FRMPD1: variants seen among roughly 807,000 people sequenced by gnomAD.
FRMPD1 encodes FERM and PDZ domain containing 1, also known as FERM and PDZ domain-containing protein 1.
FRMPD1 carries 76 observed loss-of-function variants against 117.8 expected under a neutral mutation model. The ratio of observed to expected loss-of-function variants is 0.65; its 90% CI spans 0.54 to 0.78. The LOEUF (loss-of-function observed/expected upper bound fraction) is 0.78. FRMPD1 is among the 30% of genes least tolerant of loss of function. The pLI is 0.00. For missense variants in FRMPD1, 1,786 were observed against 1,964.5 expected (o/e 0.91, Z 1.72); for synonymous variants, 783 against 770.4 (o/e 1.02, Z -0.27).
At chr9:37,649,515 A>T (rs559526870), upstream of FRMPD1, among the ~76,000 whole-genome samples, 7 of 152,180 alleles carry the variant, frequency 4.6e-5, no homozygotes, top group Non-Finnish European at 8.8e-5. Context: ...GCAATTACGT[A>T]GGAGGTCTTT....
chr9:37,663,722 G>C (rs1277972805), intron 1 of FRMPD1, among the ~76,000 whole-genome samples: 1 of 152,148 alleles, frequency 6.6e-6, no homozygotes, highest in East Asian at 1.9e-4. Flanking sequence ...GGACCCCACT[G>C]CAGATAAGAA....
intron 1 of FRMPD1, among the ~76,000 whole-genome samples, chr9:37,658,769 G>A (rs370126647): frequency 2.2e-4 from 34 of 152,298 alleles, no homozygotes; most frequent in African/African-American, 7.9e-4. Flanking sequence ...GGATAAGCAC[G>A]TCATCTAAAG....
the FRMPD1 span, among the ~76,000 whole-genome samples, chr9:37,645,876 T>C: frequency 6.6e-6 from 1 of 152,224 alleles, no homozygotes; most frequent in South Asian, 2.1e-4. Context: ...ACACTTTAGC[T>C]TCCTTAATCT....
In FRMPD1 at chr9:37,744,422, C is replaced by A. The variant is rs116119099; in HGVS notation, c.2390C>A (p.Ala797Asp). 1.1e-3 allele frequency: 1,705 copies of A among 1,611,118 alleles called. 12 individuals carry two copies. The African/African-American group carries it at 0.021, about 20-fold the overall frequency. The change falls in exon 16 of 16, where the codon GCC becomes GAC. Residue 797 changes from alanine to aspartate, a missense_variant. Physicochemically the swap from Ala to Asp is moderately radical, Grantham distance 126. Transcript: ENST00000377765. The stretch of plus-strand genomic sequence containing the variant: ...GATGTTTCTACTGCAGAACCCAGTG[C>A]CACAAGCTTGCAGAATAAGGCCAGC... ...PRDVSTAEPS[A>D]TSLQNKASTS... is the part of the protein sequence containing the mutation.
At chr9:37,687,932 T>C (rs1189146326) in intron 1 of FRMPD1, among the ~76,000 whole-genome samples, 1 of 152,146 alleles carries the variant, frequency 6.6e-6, no homozygotes, top group East Asian at 1.9e-4. Flanking sequence ...AAGTGCAGAC[T>C]ACTGAGTATA....
chr9:37,686,685 G>GT (rs1821959687), intron 1 of FRMPD1, among the ~76,000 whole-genome samples: 3 of 152,160 alleles, frequency 2.0e-5, no homozygotes, highest in African/African-American at 7.2e-5. Context: ...TTAGAACCAT[G>GT]TATGTTTATA....
chr9:37,685,143 T>G (rs1821876594), intron 1 of FRMPD1, among the ~76,000 whole-genome samples: 1 of 152,216 alleles, frequency 6.6e-6, no homozygotes, highest in African/African-American at 2.4e-5. Flanking sequence ...AGTCAATACC[T>G]GAATAATGTG....
chr9:37,639,600 C>A, the FRMPD1 span, among the ~76,000 whole-genome samples: 1 of 152,166 alleles, frequency 6.6e-6, no homozygotes, highest in African/African-American at 2.4e-5. Context: ...CTTCGTAACA[C>A]CTCTCAGTAA....
At chr9:37,608,253 A>G in the FRMPD1 span, among the ~76,000 whole-genome samples, 1 of 152,222 alleles carries the variant, frequency 6.6e-6, no homozygotes, top group South Asian at 2.1e-4. Context: ...CATACTGATT[A>G]TTTAAGAAAC....
Position 37,744,919 on chromosome 9 carries a change from A to T in FRMPD1, c.2887A>T (p.Ser963Cys). 2 of 1,614,188 alleles carry T rather than the reference A, an allele frequency of 1.2e-6. No homozygotes were observed. The highest frequency in any genetic ancestry group is 8.5e-7 in the Non-Finnish European group (1 of 1,180,024). ...GAATTCTGGTGTTGTCCCTGCTGCC[A>T]GCTCCTCAGCAAGCACTCCTCACTG... ...KENSGVVPAA[S>C]SSASTPHCSN... The change falls in exon 16 of 16, where the codon AGC becomes TGC. Residue 963 changes from serine to cysteine, a missense_variant. Ser to Cys is a moderately radical substitution (Grantham distance 112). Transcript: ENST00000377765.
At chr9:37,685,440 G>T (rs1000261362) in intron 1 of FRMPD1, among the ~76,000 whole-genome samples, 1 of 151,792 alleles carries the variant, frequency 6.6e-6, no homozygotes, top group African/African-American at 2.4e-5. Context: ...TCAGGAGATC[G>T]AGACTATCCT....
chr9:37,647,895 T>G (rs897188105), upstream of FRMPD1, among the ~76,000 whole-genome samples: 1 of 152,210 alleles, frequency 6.6e-6, no homozygotes, highest in Non-Finnish European at 1.5e-5. Context: ...TTATGTAAAG[T>G]ATTTAGCAGT....
At chr9:37,607,597 T>G in the FRMPD1 span, among the ~76,000 whole-genome samples, 1 of 152,258 alleles carries the variant, frequency 6.6e-6, no homozygotes, top group African/African-American at 2.4e-5. Flanking sequence ...ATCTATTTGT[T>G]ACACAAGCAT....
chr9:37,679,628 C>T (rs1197957532), intron 1 of FRMPD1, among the ~76,000 whole-genome samples: 1 of 152,234 alleles, frequency 6.6e-6, no homozygotes, highest in Non-Finnish European at 1.5e-5. Context: ...AATATGTGGT[C>T]TTTTGTGACT....
chr9:37,698,790 G>A, intron 2 of FRMPD1, among the ~76,000 whole-genome samples: 1 of 151,998 alleles, frequency 6.6e-6, no homozygotes, highest in Non-Finnish European at 1.5e-5. Flanking sequence ...CCAGGCTGCG[G>A]TGCAATGGTG....
chr9:37,705,965 A>G (rs988714605), intron 2 of FRMPD1, among the ~76,000 whole-genome samples: 1 of 65,940 alleles, frequency 1.5e-5, no homozygotes, highest in Non-Finnish European at 4.4e-5. Flanking sequence ...CCCTCAAAAT[A>G]AATAAATAAA....
At chr9:37,706,940 A>G (rs202242662) in intron 2 of FRMPD1, among the ~76,000 whole-genome samples, 11 of 68,494 alleles carry the variant, frequency 1.6e-4, no homozygotes, top group Admixed American at 7.1e-4. Flanking sequence ...CAGTCCGTCC[A>G]TCCATCCATC....
upstream of FRMPD1, among the ~76,000 whole-genome samples, chr9:37,647,386 C>T (rs1015817028): frequency 2.6e-5 from 4 of 151,888 alleles, no homozygotes; most frequent in South Asian, 8.3e-4. Flanking sequence ...GTGGCGGGCA[C>T]CTGTAGTCCC....
intron 4 of FRMPD1, among the ~76,000 whole-genome samples, chr9:37,710,465 G>C (rs576091972): frequency 6.6e-6 from 1 of 152,150 alleles, no homozygotes; most frequent in East Asian, 1.9e-4. Flanking sequence ...TGAAATCTAA[G>C]AGATAATGCA....
Sources: allele counts gnomAD v4.1 joint callset (sites outside exome capture counted in the v4.1 genomes callset), GRCh38; gene constraint gnomAD v4.1.1; transcripts MANE v1.5; gene names NCBI Gene and HGNC (gene_info 2026-07-23, HGNC 2026-07-21).